The following WDR27 variants were observed in gnomAD, a reference collection of about 807,000 sequenced individuals.
WDR27 encodes WD repeat domain 27, also known as WD repeat-containing protein 27.
WDR27 carries 100 observed loss-of-function variants against 114.4 expected under a neutral mutation model. The ratio of observed to expected loss-of-function variants is 0.87; its 90% CI spans 0.74 to 1.03. The LOEUF is 1.03. Among genes scored for constraint, WDR27 ranks in the 50% least tolerant of loss-of-function variants. WDR27 has a pLI of 0.00. For missense variants in WDR27, 1,129 were observed against 1,092.9 expected (o/e 1.03, Z -0.47); for synonymous variants, 449 against 423.1 (o/e 1.06, Z -0.75).
At chr6:169,512,046 A>G (rs935205445) in intron 25 of WDR27, among the ~76,000 whole-genome samples, 1 of 152,206 alleles carries the variant, frequency 6.6e-6, no homozygotes, top group Non-Finnish European at 1.5e-5. Context: ...ATTTTAGTTC[A>G]AATAATAGAA....
chr6:169,480,925 AC>A (rs1787956207), intron 25 of WDR27, among the ~76,000 whole-genome samples: 1 of 151,074 alleles, frequency 6.6e-6, no homozygotes, highest in African/African-American at 2.4e-5. Flanking sequence ...GACTTGGAGA[AC>A]TTTTATGTCT....
intron 25 of WDR27, among the ~76,000 whole-genome samples, chr6:169,477,125 C>G (rs1262286880): frequency 6.6e-6 from 1 of 152,216 alleles, no homozygotes; most frequent in Non-Finnish European, 1.5e-5. Flanking sequence ...CTTACTGTAT[C>G]AAAGTAGTGA....
intron 25 of WDR27, among the ~76,000 whole-genome samples, chr6:169,487,073 C>T (rs1404613511): frequency 6.6e-6 from 1 of 152,182 alleles, no homozygotes; most frequent in Non-Finnish European, 1.5e-5. Flanking sequence ...CCTGGCAGTG[C>T]CATTCACCAG....
chr6:169,627,435 G>A (rs1328375526), intron 21 of WDR27, among the ~76,000 whole-genome samples: 2 of 152,110 alleles, frequency 1.3e-5, no homozygotes, highest in Non-Finnish European at 2.9e-5. Flanking sequence ...AGCTCATCTG[G>A]CTCAAGTCTC....
intron 25 of WDR27, among the ~76,000 whole-genome samples, chr6:169,489,812 C>T (rs1789501867): frequency 6.6e-6 from 1 of 152,200 alleles, no homozygotes; most frequent in South Asian, 2.1e-4. Flanking sequence ...TTCATGATTT[C>T]TCAAATGTCT....
chr6:169,509,709 C>G (rs976177351), intron 25 of WDR27, among the ~76,000 whole-genome samples: 1 of 152,042 alleles, frequency 6.6e-6, no homozygotes, highest in African/African-American at 2.4e-5. Context: ...CCATTCAGGA[C>G]ATAGGCATGG....
chr6:169,510,218 C>T (rs550323520), intron 25 of WDR27, among the ~76,000 whole-genome samples: 51 of 152,194 alleles, frequency 3.4e-4, no homozygotes, highest in Admixed American at 7.9e-4. Context: ...TGGAAGTTGG[C>T]GTGGCAATTC....
chr6:169,448,161 C>T, the WDR27 span, among the ~76,000 whole-genome samples: 2 of 152,176 alleles, frequency 1.3e-5, no homozygotes, highest in Non-Finnish European at 2.9e-5. Flanking sequence ...GCCTCAGCCT[C>T]CCGAAGTGCT....
chr6:169,652,946 G>A (rs1056391036), intron 13 of WDR27, among the ~76,000 whole-genome samples: 4 of 151,196 alleles, frequency 2.6e-5, no homozygotes, highest in South Asian at 2.1e-4. Flanking sequence ...TAAATGAAGC[G>A]TATGTAAGAA....
At position 169,647,776 on chromosome 6, in the gene WDR27, A is replaced by G; in HGVS notation, c.1654T>C (p.Ser552Pro). ...TCTRVCCIQY[S>P]GDGQWLACGL... ...GCTCCCGCAGGACGTGGCGCACCTG[A>G]GTACTGGATGCAGCATACACGTGTG... Residue 552 changes from serine to proline, a missense_variant, in exon 16 of 26, where the codon TCA becomes CCA. Physicochemically the swap from Ser to Pro is moderately conservative, Grantham distance 74. Transcript: ENST00000448612. The G allele has an allele frequency of 6.3e-7, 1 of 1,578,286 alleles. No homozygotes were observed. The highest frequency in any genetic ancestry group is 8.6e-7 in the Non-Finnish European group (1 of 1,162,068).
chr6:169,634,680 T>A (rs1317888955), intron 19 of WDR27, among the ~76,000 whole-genome samples, 155 bp from the exon 20 acceptor site: 3 of 152,222 alleles, frequency 2.0e-5, no homozygotes, highest in African/African-American at 4.8e-5. Context: ...ATTAGCTACC[T>A]TAATTTTTCT....
intron 25 of WDR27, among the ~76,000 whole-genome samples, chr6:169,554,484 T>C (rs1461658633): frequency 6.6e-6 from 1 of 152,248 alleles, no homozygotes; most frequent in East Asian, 1.9e-4. Context: ...AAATCATTGC[T>C]GGCGAAATAC....
chr6:169,431,318 T>C, the WDR27 span, among the ~76,000 whole-genome samples: 6 of 152,178 alleles, frequency 3.9e-5, no homozygotes, highest in Admixed American at 6.5e-5. Context: ...CTCTCTAAAT[T>C]TTCATTTGAC....
At chr6:169,535,755 C>T (rs966594461) in intron 25 of WDR27, among the ~76,000 whole-genome samples, 1 of 152,160 alleles carries the variant, frequency 6.6e-6, no homozygotes, top group Admixed American at 6.5e-5. Context: ...GTAAGTCAGA[C>T]AAGAGCAACA....
rs141764652 is a variant in WDR27 at position 169,666,834 on chromosome 6, A to G, written c.712+302T>C. On this transcript the variant is annotated intron_variant, in intron 6 of 25. Coordinates refer to ENST00000448612, the MANE Select transcript of WDR27 (RefSeq NM_182552.5). ...TCTGGGATGTGTTTCTACAGAGAGC[A>G]GAAGGCTCAACTTCCCTGGGTACTC... is the stretch of plus-strand genomic sequence containing the variant. 2.3e-5 allele frequency: 23 copies of G among 985,502 alleles called. No homozygotes were observed. In the African/African-American group the frequency reaches 3.8e-4, roughly 16 times the overall value. The allele number at this position is 985,502 out of a possible 1,614,324, so 61.0% of individuals were successfully genotyped here.
intron 22 of WDR27, among the ~76,000 whole-genome samples, chr6:169,612,153 T>A (rs190164884): frequency 6.7e-6 from 1 of 148,282 alleles, no homozygotes; most frequent in African/African-American, 2.5e-5. Flanking sequence ...CCAAACAGGC[T>A]GGGCACGGTG....
Position 169,701,575 on chromosome 6 carries a change from A to G in WDR27, c.-32T>C, listed in dbSNP as rs1411093420. The G allele has an allele frequency of 6.1e-6, 1 of 163,368 alleles. No homozygotes were observed. Among genetic ancestry groups the G allele is most frequent in the African/African-American group, 2.4e-5 (1 of 41,496 alleles). 10.1% of individuals were successfully genotyped at this position (163,368 alleles called of 1,614,324 possible). On this transcript the variant is annotated 5_prime_UTR_variant, in exon 1 of 26. Transcript: ENST00000448612. ...CCTGAGCCCTTTTCCTCCGAACTCC[A>G]CATGCGCTCAGTTCTCAAAGCGCCG...
intron 12 of WDR27, among the ~76,000 whole-genome samples, chr6:169,658,724 C>T (rs1825041969): frequency 1.3e-5 from 2 of 151,098 alleles, no homozygotes; most frequent in Non-Finnish European, 3.0e-5. Context: ...CGCTCTGTCA[C>T]CCAGGCTGCA....
intron 25 of WDR27, among the ~76,000 whole-genome samples, chr6:169,566,208 A>G (rs182040260): frequency 6.6e-6 from 1 of 152,378 alleles, no homozygotes; most frequent in Admixed American, 6.5e-5. Context: ...TGTAGCGTAA[A>G]CAATAGCACC....
Sources: gnomAD v4.1 joint callset for allele counts (sites outside exome capture counted in the v4.1 genomes callset) on GRCh38, gnomAD v4.1.1 for gene constraint, MANE v1.5 for transcripts, NCBI Gene and HGNC (gene_info 2026-07-23, HGNC 2026-07-21) for gene names.